The following TSHR variants were observed in gnomAD, a reference collection of about 807,000 sequenced individuals.
The protein encoded by TSHR is thyroid stimulating hormone receptor, also known as thyrotropin receptor.
Under a neutral mutation model 64.1 loss-of-function variants are expected in TSHR, and 51 were observed. The observed-to-expected ratio is 0.80, with a 90% CI of 0.64 to 1.01. The LOEUF is 1.01. Among genes scored for constraint, TSHR ranks in the 50% least tolerant of loss-of-function variants. The probability of loss-of-function intolerance (pLI) is 0.00; values close to 1 mark genes in which losing one functional copy is unlikely to be tolerated. For missense variants in TSHR, 877 were observed against 942.8 expected, an observed-to-expected ratio of 0.93 and a Z score of 0.91; for synonymous variants, 361 against 361.9, an observed-to-expected ratio of 1.00 and a Z score of 0.03.
intron 3 of TSHR, among the ~76,000 whole-genome samples, chr14:81,084,282 AT>A (rs1274724337): frequency 6.6e-6 from 1 of 152,168 alleles, no homozygotes; most frequent in East Asian, 1.9e-4. Flanking sequence ...TTTTAATGTT[AT>A]TTTTTATAGA....
intron 1 of TSHR, chr14:81,013,760 C>G (rs1339106255): frequency 6.6e-6 from 1 of 152,144 alleles, no homozygotes; most frequent in Non-Finnish European, 1.5e-5. Flanking sequence ...CCAGACCACA[C>G]ATGTGGCCCA....
chr14:81,044,079 G>T (rs1885048710), intron 1 of TSHR, among the ~76,000 whole-genome samples: 1 of 152,078 alleles, frequency 6.6e-6, no homozygotes, highest in Admixed American at 6.6e-5. Context: ...AGCAAAAATT[G>T]ACAAATGGGA....
intron 1 of TSHR, among the ~76,000 whole-genome samples, chr14:81,057,308 G>T (rs1205209243): frequency 6.6e-6 from 1 of 152,128 alleles, no homozygotes; most frequent in Non-Finnish European, 1.5e-5. Context: ...CTACTCAGGA[G>T]GCTGAGGCAG....
At chr14:81,141,182 A>T (rs1299736482) in intron 9 of TSHR, among the ~76,000 whole-genome samples, 1 of 152,244 alleles carries the variant, frequency 6.6e-6, no homozygotes, top group Non-Finnish European at 1.5e-5. Context: ...TATGGGCATC[A>T]TAGCTGCAAA....
chr14:81,110,346 T>C (rs1890172891), intron 8 of TSHR, among the ~76,000 whole-genome samples: 1 of 152,062 alleles, frequency 6.6e-6, no homozygotes, highest in Admixed American at 6.5e-5. Context: ...GGTGGCCTCA[T>C]AAGACAAGGA....
chr14:81,129,612 T>C (rs1314216176), intron 8 of TSHR, among the ~76,000 whole-genome samples: 3 of 152,186 alleles, frequency 2.0e-5, no homozygotes, highest in African/African-American at 7.2e-5. Context: ...TCCTATGGCC[T>C]CCCCTCTCTT....
At chr14:81,008,843 T>G (rs1889745651) in intron 1 of TSHR, among the ~76,000 whole-genome samples, 1 of 152,204 alleles carries the variant, frequency 6.6e-6, no homozygotes, top group African/African-American at 2.4e-5. Context: ...TTTAACAGGA[T>G]TTCCTTTTTA....
At chr14:80,956,039 ATCAT>A in intron 1 of TSHR, 189 bp downstream of exon 1, 1 of 688,918 alleles carries the variant, frequency 1.5e-6, no homozygotes, top group Non-Finnish European at 2.5e-6. Context: ...TTGGGAAGGT[ATCAT>A]TGTTGACATC....
In TSHR at chr14:81,103,386, G is replaced by A. The variant is rs1353293542; in HGVS notation, c.615-4989G>A. The A allele has an allele frequency of 3.0e-6, 3 of 985,294 alleles. No homozygotes were observed. Among genetic ancestry groups the A allele is most frequent in the East Asian group, 1.1e-4 (1 of 8,828 alleles). 61.0% of individuals were successfully genotyped at this position (985,294 alleles called of 1,614,324 possible). A position where few individuals can be genotyped will look rare whatever the true frequency, so the allele number is the denominator to read the frequency against. On this transcript the variant is annotated intron_variant, in intron 7 of 9. Coordinates refer to ENST00000298171, the MANE Select transcript of TSHR (RefSeq NM_000369.5). The surrounding 1 kb of genome is among the most constrained non-coding windows in gnomAD (Gnocchi z 4.1). The stretch of plus-strand genomic sequence containing the variant: ...ATCATTAGGTTCTCATTTAAACAAT[G>A]TGTCATCCAAAAGAGCAATCATCCC...
intron 1 of TSHR, among the ~76,000 whole-genome samples, chr14:81,044,463 C>T (rs1200509776): frequency 6.6e-6 from 1 of 152,060 alleles, no homozygotes; most frequent in African/African-American, 2.4e-5. Flanking sequence ...TTGAGACTAT[C>T]CTGGCTAACA....
chr14:81,021,296 T>A (rs1883737207), intron 1 of TSHR, among the ~76,000 whole-genome samples: 1 of 152,030 alleles, frequency 6.6e-6, no homozygotes. Context: ...TGCTTAAGTG[T>A]TCCCTCCCCT....
intron 8 of TSHR, among the ~76,000 whole-genome samples, chr14:81,130,134 A>G (rs904760374): frequency 1.3e-5 from 2 of 152,160 alleles, no homozygotes; most frequent in Non-Finnish European, 2.9e-5. Flanking sequence ...GATGTTATTT[A>G]TTTTTAAAAG....
At chr14:81,064,600 G>C (rs1027493971) in intron 2 of TSHR, among the ~76,000 whole-genome samples, 13 of 152,074 alleles carry the variant, frequency 8.5e-5, no homozygotes, top group Non-Finnish European at 1.6e-4. Flanking sequence ...GTTTCCATTT[G>C]AATGGGAGGA....
chr14:81,090,551 A>AT (rs34598772), intron 4 of TSHR, among the ~76,000 whole-genome samples: 2 of 133,004 alleles, frequency 1.5e-5, no homozygotes, highest in South Asian at 4.5e-4. Context: ...CTCTGGACAT[A>AT]TTTTTTTAAA....
At chr14:80,989,870 A>C (rs1440523994) in intron 1 of TSHR, among the ~76,000 whole-genome samples, 1 of 152,214 alleles carries the variant, frequency 6.6e-6, no homozygotes, top group African/African-American at 2.4e-5. Context: ...CTTGCTCAAG[A>C]TTAAATATCA....
chr14:81,108,343 T>TTCTCTCTCTC, intron 7 of TSHR, 32 bp from the exon 8 acceptor site: 1 of 1,413,482 alleles, frequency 7.1e-7, no homozygotes, highest in Non-Finnish European at 9.9e-7. Context: ...ACCTAATTCA[T>TTCTCTCTCTC]TCTCTCTCTC....
At chr14:81,099,260 AAC>A (rs1889416428) in intron 7 of TSHR, 2 of 145,470 alleles carry the variant, frequency 1.4e-5, no homozygotes, top group African/African-American at 5.5e-5. Flanking sequence ...GCCCAACAAG[AAC>A]ACATGGCTTT....
chr14:80,984,570 C>T (rs1031994154), intron 1 of TSHR, among the ~76,000 whole-genome samples: 1 of 152,194 alleles, frequency 6.6e-6, no homozygotes, highest in African/African-American at 2.4e-5. Flanking sequence ...ACACCAGAAC[C>T]CATCTCACCA....
chr14:81,120,271 G>C (rs1185644868), intron 8 of TSHR, among the ~76,000 whole-genome samples: 3 of 152,120 alleles, frequency 2.0e-5, no homozygotes, highest in Admixed American at 6.5e-5. Context: ...TCCACACACA[G>C]AGCTTCCCAT....
Sources: gnomAD v4.1 joint callset for allele counts (sites outside exome capture counted in the v4.1 genomes callset) on GRCh38, gnomAD v4.1.1 for gene constraint, Gnocchi (gnomAD v3.1) non-coding constraint, MANE v1.5 for transcripts, NCBI Gene and HGNC (gene_info 2026-07-23, HGNC 2026-07-21) for gene names.